SPON2: variants seen among roughly 807,000 people sequenced by gnomAD.
SPON2 encodes spondin-2.
SPON2 carries 32 observed loss-of-function variants against 29.9 expected under a neutral mutation model. The observed-to-expected ratio is 1.07, with a 90% CI of 0.81 to 1.44. The LOEUF is 1.44. SPON2 is among the 40% of genes most tolerant of loss of function. SPON2 has a pLI of 0.00. For synonymous variants in SPON2, 248 were observed against 209.1 expected (o/e 1.19, Z -1.61); for missense variants, 541 against 455.5 (o/e 1.19, Z -1.71).
rs572417517 is a variant in SPON2 at position 1,186,217 on chromosome 4, T to C, written c.-238-6676A>G. ...TGAGATCGGGCCACTATACTCCAGCTTGGGTGACAGAGCGAGACTCCGTCT... is the reference window on the plus strand; with the variant it reads ...TGAGATCGGGCCACTATACTCCAGCCTGGGTGACAGAGCGAGACTCCGTCT... On this transcript the variant is annotated intron_variant, in intron 1 of 3. Transcript: ENST00000502483. Among the ~76,000 whole-genome samples, 45 of 150,180 alleles carry C rather than the reference T, an allele frequency of 3.0e-4. 1 individual carries two copies. Among genetic ancestry groups the C allele is most frequent in the East Asian group, 9.9e-4 (5 of 5,072 alleles).
chr4:1,186,686 C>T (rs536174340), intron 1 of SPON2, among the ~76,000 whole-genome samples: 5 of 152,200 alleles, frequency 3.3e-5, no homozygotes, highest in African/African-American at 1.2e-4. Context: ...AACTCTAAGA[C>T]AAAAAACTCA....
intron 1 of SPON2, chr4:1,200,516 G>C: frequency 3.3e-6 from 1 of 304,418 alleles, no homozygotes; most frequent in Non-Finnish European, 6.5e-6. Flanking sequence ...CAGCCTCTGC[G>C]CTTCTGCCTC....
upstream of SPON2, among the ~76,000 whole-genome samples, chr4:1,197,594 T>C (rs1728097083): frequency 6.6e-6 from 1 of 151,784 alleles, no homozygotes; most frequent in Non-Finnish European, 1.5e-5. Context: ...CCTAAGAAAC[T>C]AGAATGAGAA....
At chr4:1,186,198 C>G (rs1421990069) in intron 1 of SPON2, among the ~76,000 whole-genome samples, 1 of 145,528 alleles carries the variant, frequency 6.9e-6, no homozygotes, top group Non-Finnish European at 1.5e-5. Flanking sequence ...GAGCTGAGAT[C>G]GGGCCACTAT....
chr4:1,198,620 C>T (rs1436133486), upstream of SPON2, among the ~76,000 whole-genome samples: 1 of 151,994 alleles, frequency 6.6e-6, no homozygotes, highest in Non-Finnish European at 1.5e-5. Flanking sequence ...ACCAACGCAG[C>T]GTCGGCGGAT....
chr4:1,195,919 C>CCCCA (rs976297649), upstream of SPON2, among the ~76,000 whole-genome samples: 2 of 152,224 alleles, frequency 1.3e-5, no homozygotes, highest in African/African-American at 2.4e-5. Context: ...CAGGCGTGAG[C>CCCCA]CCCACGCCTG....
At chr4:1,201,063 C>G (rs1577000011) in intron 1 of SPON2, 1 of 452,380 alleles carries the variant, frequency 2.2e-6, no homozygotes, top group South Asian at 1.6e-5. Flanking sequence ...CCCTCCCACC[C>G]TGACGAGGTT....
In SPON2 at chr4:1,170,421, C is replaced by G; in HGVS notation, c.792G>C (p.Glu264Asp). ...CGTTACCTGAGGCGCTGTCTACAATCTCATTGTCCCTGCTGGGCAGGACTG... is the reference window on the plus strand; with the variant it reads ...CGTTACCTGAGGCGCTGTCTACAATGTCATTGTCCCTGCTGGGCAGGACTG... ...PAPVLPSRDN[E>D]IVDSASVPET... The change falls in exon 5 of 6, where the codon GAG (glutamate) becomes GAC (aspartate). Residue 264 changes from glutamate to aspartate, a missense_variant. Transcript: ENST00000290902. 6.2e-7 allele frequency: 1 copy of G among 1,613,638 alleles called. No homozygotes were observed. The highest frequency in any genetic ancestry group is 1.1e-5 in the South Asian group (1 of 91,050).
chr4:1,186,113 G>A (rs914141692), intron 1 of SPON2, among the ~76,000 whole-genome samples: 15 of 150,278 alleles, frequency 1.0e-4, no homozygotes, highest in South Asian at 4.2e-4. Context: ...GCGTGGTGGT[G>A]GGCGCCTGTA....
chr4:1,191,127 T>C (rs1727905551), intron 1 of SPON2, among the ~76,000 whole-genome samples: 1 of 151,498 alleles, frequency 6.6e-6, no homozygotes, highest in African/African-American at 2.4e-5. Context: ...CTAAAATTCA[T>C]ACGGAATTGC....
rs1340584066 is a variant in SPON2 at position 1,167,424 on chromosome 4, C to T, written c.*48G>A. 1.3e-6 allele frequency: 2 copies of T among 1,569,428 alleles called. No homozygotes were observed. The highest frequency in any genetic ancestry group is 8.7e-7 in the Non-Finnish European group (1 of 1,153,524). On this transcript the variant is annotated 3_prime_UTR_variant, in exon 6 of 6. Coordinates refer to ENST00000290902, the MANE Select transcript of SPON2 (RefSeq NM_012445.4). ...CAGCATGAGCCTGCACAGGAGCCCC[C>T]GACACCCCATGGCTCCGGGGGGCCC... is the stretch of plus-strand genomic sequence containing the variant.
intron 1 of SPON2, among the ~76,000 whole-genome samples, chr4:1,205,548 G>A (rs902268508): frequency 7.2e-5 from 11 of 151,776 alleles, no homozygotes; most frequent in Admixed American, 6.6e-4. Flanking sequence ...CTGGCCTCCC[G>A]CAATCCTGTC....
intron 1 of SPON2, among the ~76,000 whole-genome samples, chr4:1,207,671 A>T: frequency 6.8e-6 from 1 of 146,110 alleles, no homozygotes; most frequent in Admixed American, 6.7e-5. Context: ...CCGCGCTTAC[A>T]CATGCTCCAG....
At chr4:1,186,024 C>T (rs1323323408) in intron 1 of SPON2, among the ~76,000 whole-genome samples, 1 of 150,038 alleles carries the variant, frequency 6.7e-6, no homozygotes, top group Non-Finnish European at 1.5e-5. Flanking sequence ...GCGGGCGGAT[C>T]ACGAGGTCAG....
intron 1 of SPON2, among the ~76,000 whole-genome samples, chr4:1,201,726 GC>G (rs1001158890): frequency 2.6e-5 from 4 of 152,152 alleles, no homozygotes; most frequent in African/African-American, 9.7e-5. Context: ...GGGATTACAG[GC>G]GCCGGTTGCC....
rs1474295897 is a variant in SPON2, at chr4:1,171,103, C to G, written c.532G>C (p.Glu178Gln). ...GGGTACAGGTCCAGCGCCGCCTGTT[C>G]CCGCCAACGGTCCCCGTCGCACAGG... ...LDLCDGDRWREQAALDLYPYD... is the reference protein window; with the variant it reads ...LDLCDGDRWRQQAALDLYPYD... The change falls in exon 4 of 6, where the codon GAA becomes CAA. Residue 178 changes from glutamate (E) to glutamine (Q), a missense_variant. Coordinates refer to ENST00000290902, the MANE Select transcript of SPON2 (RefSeq NM_012445.4). The G allele has an allele frequency of 1.9e-6, 3 of 1,550,822 alleles. No individual in the cohort carries two copies. Among genetic ancestry groups the G allele is most frequent in the Non-Finnish European group, 1.7e-6 (2 of 1,147,054 alleles).
At chr4:1,178,463 G>T (rs781074494) in intron 2 of SPON2, among the ~76,000 whole-genome samples, 12 of 151,558 alleles carry the variant, frequency 7.9e-5, no homozygotes, top group Non-Finnish European at 1.8e-4. Flanking sequence ...GGCTCTTCCC[G>T]CCCCACTCTC....
At chr4:1,208,596 G>C (rs891760802), upstream of SPON2, 1 of 152,350 alleles carries the variant, frequency 6.6e-6, no homozygotes. Flanking sequence ...GAGAATCACC[G>C]CTTCCTCCTG....
At chr4:1,190,594 G>T (rs909099829) in intron 1 of SPON2, among the ~76,000 whole-genome samples, 1 of 152,308 alleles carries the variant, frequency 6.6e-6, no homozygotes, top group South Asian at 2.1e-4. Flanking sequence ...CACAATGAAT[G>T]CAAAGTTGGT....
Sources: gnomAD v4.1 joint callset for allele counts (sites outside exome capture counted in the v4.1 genomes callset) on GRCh38, gnomAD v4.1.1 for gene constraint, MANE v1.5 for transcripts, NCBI Gene and HGNC (gene_info 2026-07-23, HGNC 2026-07-21) for gene names.